Variants in ABCA12 observed in about 807,000 individuals in gnomAD.
ABCA12 encodes ATP binding cassette subfamily A member 12.
ABCA12 carries 156 observed loss-of-function variants against 293.5 expected under a neutral mutation model. That is an observed-to-expected ratio of 0.53 (90% CI 0.47 to 0.61). ABCA12 has a LOEUF of 0.61. Ranked by LOEUF, ABCA12 falls within the 20% of genes least tolerant of loss-of-function variation. The pLI is 0.00. For synonymous variants in ABCA12, 1,063 were observed against 1,108.0 expected, an observed-to-expected ratio of 0.96 and a Z score of 0.81; for missense variants, 2,797 against 3,090.2, an observed-to-expected ratio of 0.91 and a Z score of 2.25.
intron 3 of ABCA12, among the ~76,000 whole-genome samples, chr2:215,058,902 C>T (rs968906976): frequency 6.6e-6 from 1 of 151,946 alleles, no homozygotes; most frequent in Non-Finnish European, 1.5e-5. Context: ...CCAATAGTTA[C>T]GTTCAGGAAA....
chr2:215,066,848 A>G (rs1271140409), intron 2 of ABCA12, among the ~76,000 whole-genome samples: 4 of 147,828 alleles, frequency 2.7e-5, no homozygotes, highest in African/African-American at 9.9e-5. Context: ...ACCCTCATCA[A>G]TGTAAGGGTG....
At chr2:215,004,056 TA>T (rs1007436715) in intron 20 of ABCA12, among the ~76,000 whole-genome samples, 152 bp downstream of exon 20, 3 of 151,990 alleles carry the variant, frequency 2.0e-5, no homozygotes, top group African/African-American at 7.3e-5. Flanking sequence ...GGGAAGAAGA[TA>T]GGGGGGATAT....
intron 1 of ABCA12, among the ~76,000 whole-genome samples, chr2:215,137,795 C>T (rs916752948): frequency 2.0e-5 from 3 of 152,184 alleles, no homozygotes; most frequent in Non-Finnish European, 2.9e-5. Context: ...TTTCCTCTAT[C>T]CCATTTTTAA....
intron 2 of ABCA12, among the ~76,000 whole-genome samples, chr2:215,107,801 T>C (rs945580152): frequency 2.0e-5 from 3 of 152,094 alleles, no homozygotes; most frequent in African/African-American, 7.2e-5. Context: ...GAACAGAAGT[T>C]GTTGTGGGAT....
intron 26 of ABCA12, among the ~76,000 whole-genome samples, chr2:214,988,078 T>C (rs1252148416): frequency 6.6e-6 from 1 of 152,116 alleles, no homozygotes; most frequent in Non-Finnish European, 1.5e-5. Context: ...TGTCTACAAG[T>C]TGTGATTTTA....
At chr2:215,134,045 T>A (rs933986555) in intron 1 of ABCA12, among the ~76,000 whole-genome samples, 6 of 151,974 alleles carry the variant, frequency 3.9e-5, no homozygotes, top group African/African-American at 1.5e-4. Flanking sequence ...AATTCTGATA[T>A]CTTACTTTAC....
chr2:215,099,998 ATCTC>A lies in ABCA12; in HGVS notation c.163+11595_163+11598del, dbSNP rs771541522. 4.5e-3 allele frequency among the ~76,000 whole-genome samples: 672 copies of A among 147,840 alleles called. 2 individuals are homozygous for A. The highest frequency in any genetic ancestry group is 0.015 in the South Asian group (69 of 4,678). Reference sequence around the variant, plus strand: ...TTCAAAACCCTACATGATGAAATTGATCTCTCTCTCTCTCTCTCTTTTTTTTTTT... The same window carrying A: ...TTCAAAACCCTACATGATGAAATTGATCTCTCTCTCTCTCTTTTTTTTTTT... On this transcript the variant is annotated intron_variant, in intron 2 of 52. Transcript: ENST00000272895.
At chr2:214,999,536 G>A (rs536848104) in intron 22 of ABCA12, among the ~76,000 whole-genome samples, 2 of 152,134 alleles carry the variant, frequency 1.3e-5, no homozygotes, top group Admixed American at 6.6e-5. Flanking sequence ...ATGTGTGTAA[G>A]GCATAATGAA....
At chr2:214,937,863 AAACAT>A (rs200768452) in intron 50 of ABCA12, among the ~76,000 whole-genome samples, 2,507 of 152,326 alleles carry the variant, frequency 0.016, 69 homozygotes, top group African/African-American at 0.053. Context: ...GTTGAAAAGA[AAACAT>A]AACATAAAAT....
At chr2:215,101,986 CTA>C (rs1702365809) in intron 2 of ABCA12, among the ~76,000 whole-genome samples, 1 of 152,104 alleles carries the variant, frequency 6.6e-6, no homozygotes, top group African/African-American at 2.4e-5. Flanking sequence ...ACCTTCTAAA[CTA>C]TTGTCTAGTC....
At chr2:214,947,588 C>A in intron 47 of ABCA12, 32 bp from the exon 48 acceptor site, 1 of 1,612,596 alleles carries the variant, frequency 6.2e-7, no homozygotes, top group South Asian at 1.1e-5. Flanking sequence ...TTAGGTTGAC[C>A]TTCCTGTGCC....
intron 2 of ABCA12, among the ~76,000 whole-genome samples, chr2:215,100,621 T>A (rs1702338848): frequency 6.6e-6 from 1 of 152,174 alleles, no homozygotes; most frequent in Non-Finnish European, 1.5e-5. Context: ...TAATTTTTTG[T>A]TTTTAAAAAT....
At chr2:214,961,009 A>G (rs2105940408) in intron 39 of ABCA12, among the ~76,000 whole-genome samples, 1 of 152,264 alleles carries the variant, frequency 6.6e-6, no homozygotes, top group East Asian at 1.9e-4. Context: ...GTAAAAACCC[A>G]ATTCATGCAA....
intron 23 of ABCA12, among the ~76,000 whole-genome samples, chr2:214,991,473 A>C (rs926874185): frequency 1.3e-5 from 2 of 152,156 alleles, no homozygotes; most frequent in Non-Finnish European, 2.9e-5. Flanking sequence ...GCTCATAAAA[A>C]TCCATAATTT....
rs73088502 is a variant in ABCA12 at position 214,982,171 on chromosome 2, G to A, written c.4579+16C>T. On this transcript the variant is annotated intron_variant, in intron 30 of 52. Transcript: ENST00000272895. The stretch of plus-strand genomic sequence containing the variant: ...TATGACTGTTGGGTGGAGAAGTTCT[G>A]AGAAACTACTCATACCAGTTTTGTT... The A allele has an allele frequency of 2.4e-3, 3,793 of 1,612,524 alleles. 80 individuals carry two copies. The African/African-American group carries it at 0.045, about 19-fold the overall frequency.
At chr2:214,957,593 C>T (rs1218603314) in intron 41 of ABCA12, among the ~76,000 whole-genome samples, 1 of 152,190 alleles carries the variant, frequency 6.6e-6, no homozygotes, top group Non-Finnish European at 1.5e-5. Context: ...GTTAATTACT[C>T]TCCAACCCTT....
At chr2:214,980,823 G>T (rs889985629) in intron 30 of ABCA12, among the ~76,000 whole-genome samples, 180 bp from the exon 31 acceptor site, 1 of 152,128 alleles carries the variant, frequency 6.6e-6, no homozygotes, top group Non-Finnish European at 1.5e-5. Flanking sequence ...TCAGGGCCAG[G>T]CTCACTGGTT....
rs1048701678 is a variant in ABCA12 at position 214,978,523 on chromosome 2, T to A, written c.4978-57A>T. On this transcript the variant is annotated intron_variant, in intron 32 of 52. Coordinates refer to ENST00000272895, the MANE Select transcript of ABCA12 (RefSeq NM_173076.3). ...ATGAAAAGTGCATGTCTTTTCTCAT[T>A]TCTAAGCTTACCTTTGATTTTGAAC... 1.9e-6 allele frequency: 3 copies of A among 1,580,228 alleles called. No homozygotes were observed. In the African/African-American group the frequency reaches 4.0e-5, roughly 21 times the overall value.
intron 36 of ABCA12, among the ~76,000 whole-genome samples, chr2:214,971,339 T>C (rs779681344): frequency 6.6e-6 from 1 of 152,194 alleles, no homozygotes; most frequent in Non-Finnish European, 1.5e-5. Context: ...AATACTCTTA[T>C]GTATTCGTGT....
Sources: gnomAD v4.1 joint callset for allele counts (sites outside exome capture counted in the v4.1 genomes callset) on GRCh38, gnomAD v4.1.1 for gene constraint, MANE v1.5 for transcripts, NCBI Gene and HGNC (gene_info 2026-07-23, HGNC 2026-07-21) for gene names.